Variants in SLIT3 observed in about 807,000 individuals in gnomAD.
The protein encoded by SLIT3 is slit homolog 3 protein.
Under a neutral mutation model 184.0 loss-of-function variants are expected in SLIT3, and 68 were observed. The ratio of observed to expected loss-of-function variants is 0.37; its 90% confidence interval spans 0.30 to 0.45. The LOEUF is 0.45. SLIT3 is among the 20% of genes least tolerant of loss of function. The pLI, the probability that SLIT3 is intolerant of heterozygous loss-of-function variation, is 1.00. For synonymous variants in SLIT3, 831 were observed against 828.6 expected (o/e 1.00, Z -0.05); for missense variants, 1,707 against 2,026.0 (o/e 0.84, Z 3.02).
chr5:169,281,947 T>C (rs1278470210), intron 1 of SLIT3, among the ~76,000 whole-genome samples: 1 of 152,174 alleles, frequency 6.6e-6, no homozygotes, highest in Non-Finnish European at 1.5e-5. Flanking sequence ...ACAGCTGGAA[T>C]CTAAGAAGAA....
chr5:169,200,559 G>A (rs1195258526), intron 3 of SLIT3, among the ~76,000 whole-genome samples: 1 of 152,094 alleles, frequency 6.6e-6, no homozygotes, highest in Non-Finnish European at 1.5e-5. Context: ...GATGACTACA[G>A]ACTCCGGGCA....
chr5:169,030,845 G>C (rs1350371532), intron 4 of SLIT3, among the ~76,000 whole-genome samples: 1 of 152,216 alleles, frequency 6.6e-6, no homozygotes, highest in Non-Finnish European at 1.5e-5. Context: ...CTCGGAAGTA[G>C]AACGTGGTAT....
intron 3 of SLIT3, among the ~76,000 whole-genome samples, chr5:169,209,470 T>C (rs1764183585): frequency 6.6e-6 from 1 of 152,186 alleles, no homozygotes; most frequent in African/African-American, 2.4e-5. Flanking sequence ...TTATAAATCA[T>C]TCAACTATAA....
intron 4 of SLIT3, among the ~76,000 whole-genome samples, chr5:169,074,690 T>C (rs1758673421): frequency 6.6e-6 from 1 of 152,208 alleles, no homozygotes; most frequent in Non-Finnish European, 1.5e-5. Context: ...TACCAGGGAC[T>C]CATAACTCTG....
chr5:169,081,804 C>G (rs557199356), intron 4 of SLIT3, among the ~76,000 whole-genome samples: 1 of 152,150 alleles, frequency 6.6e-6, no homozygotes, highest in Non-Finnish European at 1.5e-5. Context: ...CAGGCCAGAC[C>G]CTGTGCTTTG....
At chr5:168,834,199 C>T (rs1757968265) in intron 6 of SLIT3, among the ~76,000 whole-genome samples, 1 of 152,094 alleles carries the variant, frequency 6.6e-6, no homozygotes, top group Non-Finnish European at 1.5e-5. Flanking sequence ...AGGAAGGGCT[C>T]AGGCAGGGGA....
chr5:168,724,349 C>G, intron 21 of SLIT3, 67 bp downstream of exon 21: 4 of 1,286,584 alleles, frequency 3.1e-6, no homozygotes, highest in Non-Finnish European at 4.4e-6. Context: ...TCTTACCATC[C>G]ACTTCAGTTT....
At chr5:168,856,145 G>T (rs1350638396) in intron 5 of SLIT3, among the ~76,000 whole-genome samples, 1 of 152,096 alleles carries the variant, frequency 6.6e-6, no homozygotes, top group Non-Finnish European at 1.5e-5. Context: ...AGATAAAAGT[G>T]ATGGGTGCAC....
At chr5:169,076,304 C>A (rs948436870) in intron 4 of SLIT3, among the ~76,000 whole-genome samples, 4 of 152,172 alleles carry the variant, frequency 2.6e-5, no homozygotes, top group African/African-American at 9.7e-5. Flanking sequence ...TATATTAGCA[C>A]TAGAGATTGT....
chr5:169,149,560 G>A (rs915615491), intron 4 of SLIT3, among the ~76,000 whole-genome samples: 1 of 152,136 alleles, frequency 6.6e-6, no homozygotes, highest in Non-Finnish European at 1.5e-5. Flanking sequence ...AAAGAAACTG[G>A]GAGGGGAAAA....
At chr5:168,707,851 G>A (rs1233009812) in intron 26 of SLIT3, 125 bp downstream of exon 26, 7 of 1,189,502 alleles carry the variant, frequency 5.9e-6, no homozygotes, top group African/African-American at 3.0e-5. Context: ...TGACCTGTGC[G>A]ATGGACTCAT....
chr5:168,924,587 G>A (rs1761750948), intron 4 of SLIT3, among the ~76,000 whole-genome samples: 1 of 151,838 alleles, frequency 6.6e-6, no homozygotes. Context: ...ACAGTTCACT[G>A]CAATCTTGAA....
intron 20 of SLIT3, among the ~76,000 whole-genome samples, chr5:168,738,936 T>TTAAA (rs1763525315): frequency 5.3e-5 from 1 of 18,774 alleles, no homozygotes; most frequent in Admixed American, 6.7e-4. Context: ...AGACTCCATC[T>TTAAA]CAAAAAAAAA....
At chr5:169,270,353 C>T (rs368705590) in intron 1 of SLIT3, among the ~76,000 whole-genome samples, 10 of 152,220 alleles carry the variant, frequency 6.6e-5, no homozygotes, top group South Asian at 4.2e-4. Context: ...CCCACAGGCC[C>T]GATCCGGCCC....
At chr5:168,937,428 G>A (rs1314308577) in intron 4 of SLIT3, among the ~76,000 whole-genome samples, 1 of 152,162 alleles carries the variant, frequency 6.6e-6, no homozygotes, top group Non-Finnish European at 1.5e-5. Context: ...ACTGAGAAGG[G>A]AGCAGACCAG....
chr5:169,008,872 A>G (rs1200451867), intron 4 of SLIT3, among the ~76,000 whole-genome samples: 1 of 152,198 alleles, frequency 6.6e-6, no homozygotes, highest in Non-Finnish European at 1.5e-5. Context: ...GTACTGCAGC[A>G]AACACTTGAG....
At chr5:168,721,413 A>G (rs983832002) in intron 23 of SLIT3, among the ~76,000 whole-genome samples, 57 of 152,244 alleles carry the variant, frequency 3.7e-4, no homozygotes, top group African/African-American at 1.3e-3. Flanking sequence ...AGTACTTCAT[A>G]TACAGTATCT....
intron 16 of SLIT3, among the ~76,000 whole-genome samples, chr5:168,756,422 G>T (rs1396861792): frequency 6.6e-6 from 1 of 152,232 alleles, no homozygotes; most frequent in Non-Finnish European, 1.5e-5. Flanking sequence ...AGGTGTGGAG[G>T]AAACAGCCGG....
chr5:168,837,442 A>C (rs2113700214), intron 6 of SLIT3, among the ~76,000 whole-genome samples: 1 of 152,342 alleles, frequency 6.6e-6, no homozygotes, highest in East Asian at 1.9e-4. Context: ...TAAAATGAGA[A>C]AGAAAGATCA....
Sources: gnomAD v4.1 joint callset for allele counts (sites outside exome capture counted in the v4.1 genomes callset) on GRCh38, gnomAD v4.1.1 for gene constraint, MANE v1.5 for transcripts, NCBI Gene and HGNC (gene_info 2026-07-23, HGNC 2026-07-21) for gene names.